The following MAPRE3 variants were observed in gnomAD, a reference collection of about 807,000 sequenced individuals.
MAPRE3 encodes the protein microtubule-associated protein RP/EB family member 3.
MAPRE3 carries 2 observed loss-of-function variants against 30.5 expected under a neutral mutation model. The observed-to-expected ratio is 0.07, with a 90% CI of 0.03 to 0.21. The LOEUF (loss-of-function observed/expected upper bound fraction) is 0.21, where lower values mean the gene tolerates loss of function less well. MAPRE3 is among the 10% of genes least tolerant of loss of function. The probability of loss-of-function intolerance (pLI) is 1.00; values close to 1 mark genes in which losing one functional copy is unlikely to be tolerated. For synonymous variants in MAPRE3, 110 were observed against 127.7 expected (o/e 0.86, Z 0.93); for missense variants, 204 against 351.8 (o/e 0.58, Z 3.36).
intron 1 of MAPRE3, among the ~76,000 whole-genome samples, chr2:26,996,165 A>ATTTC (rs1666456150): frequency 2.8e-5 from 2 of 71,816 alleles, no homozygotes; most frequent in Non-Finnish European, 6.3e-5. Flanking sequence ...TATTTTATTT[A>ATTTC]TTTTTGAAAC....
intron 1 of MAPRE3, among the ~76,000 whole-genome samples, chr2:27,009,274 G>A (rs935419611): frequency 6.6e-6 from 1 of 152,164 alleles, no homozygotes; most frequent in Non-Finnish European, 1.5e-5. Context: ...TTTAATAATT[G>A]TTATGTAAGA....
intron 1 of MAPRE3, among the ~76,000 whole-genome samples, chr2:26,979,712 A>G (rs1414567743): frequency 6.6e-6 from 1 of 152,142 alleles, no homozygotes; most frequent in Non-Finnish European, 1.5e-5. Flanking sequence ...TCAGCAAAGG[A>G]ATGGCCGTGG....
In MAPRE3 at chr2:26,986,101, G is replaced by C. The variant is rs926764654; in HGVS notation, c.-8+15299G>C. Among the ~76,000 whole-genome samples, 2 of 152,192 alleles carry C rather than the reference G, an allele frequency of 1.3e-5. No individual in the cohort carries two copies. The highest frequency in any genetic ancestry group is 2.9e-5 in the Non-Finnish European group (2 of 68,026). Reference sequence around the variant, plus strand: ...TTGGCAAGGCTGTGTTTCTTCTGGAGCCTCCAGGAGAAAATCCGCGTCTTT... The same window carrying C: ...TTGGCAAGGCTGTGTTTCTTCTGGACCCTCCAGGAGAAAATCCGCGTCTTT... On this transcript the variant is annotated intron_variant, in intron 1 of 6. Coordinates refer to ENST00000233121, the MANE Select transcript of MAPRE3 (RefSeq NM_012326.4). This position sits in a 1 kb window ranked among gnomAD's most constrained non-coding sequence, Gnocchi z 4.2.
At chr2:26,974,313 ACTGT>A (rs1347827442) in intron 1 of MAPRE3, among the ~76,000 whole-genome samples, 19 of 152,220 alleles carry the variant, frequency 1.2e-4, no homozygotes, top group Non-Finnish European at 2.2e-4. Context: ...TTTGTGTCAA[ACTGT>A]CTAACTAAAT....
Position 27,024,288 on chromosome 2 carries a change from G to A in MAPRE3, c.460G>A (p.Gly154Ser), listed in dbSNP as rs138427247. 4.9e-5 allele frequency: 79 copies of A among 1,613,532 alleles called. No individual in the cohort carries two copies. The highest frequency in any genetic ancestry group is 1.3e-5 in the Non-Finnish European group (15 of 1,179,688). Residue 154 changes from glycine (G) to serine (S), a missense_variant, in exon 4 of 7, where the codon GGC becomes AGC. Around this residue, in one of 5 missense-constraint regions of MAPRE3, gnomAD observed 101 missense variants for 205.4 expected, o/e 0.49. Coordinates refer to ENST00000233121, the MANE Select transcript of MAPRE3 (RefSeq NM_012326.4). ...CTTCAACAAATCCAAGAAACTCATT[G>A]GCACAGCAGGTAACGTGCCCGAGCC... ...QIFNKSKKLI[G>S]TAVPQRTSPT... is the part of the protein sequence containing the mutation.
chr2:26,990,444 T>G (rs1666314156), intron 1 of MAPRE3, among the ~76,000 whole-genome samples: 1 of 152,184 alleles, frequency 6.6e-6, no homozygotes, highest in Non-Finnish European at 1.5e-5. Context: ...CCCAAAACTT[T>G]TCCTGAACCT....
intron 1 of MAPRE3, among the ~76,000 whole-genome samples, chr2:26,999,330 A>G (rs866908364): frequency 5.8e-4 from 88 of 152,126 alleles, no homozygotes; most frequent in African/African-American, 1.9e-3. Flanking sequence ...CTATCCAGTC[A>G]CAAAATGGCA....
chr2:26,973,704 C>T (rs1260623741), intron 1 of MAPRE3, among the ~76,000 whole-genome samples: 2 of 151,804 alleles, frequency 1.3e-5, no homozygotes, highest in Non-Finnish European at 2.9e-5. Flanking sequence ...TACAGGCGCC[C>T]GCCACCGCGC....
rs1380111051 is a variant in MAPRE3 at position 27,017,927 on chromosome 2, C to G, written c.-7-4285C>G. ...TCTCTGCAGGAGAAGCCAGTGGACTCTCCTAGTAAAGAATCTCTGCAATGC... is the reference window on the plus strand; with the variant it reads ...TCTCTGCAGGAGAAGCCAGTGGACTGTCCTAGTAAAGAATCTCTGCAATGC... On this transcript the variant is annotated intron_variant, in intron 1 of 6. Coordinates refer to ENST00000233121, the MANE Select transcript of MAPRE3 (RefSeq NM_012326.4). Among the ~76,000 whole-genome samples, 8 of 152,284 alleles carry G rather than the reference C, an allele frequency of 5.3e-5. No homozygotes were observed. The East Asian group carries it at 1.5e-3, about 29-fold the overall frequency.
At chr2:27,026,239 C>A in intron 6 of MAPRE3, 41 bp from the exon 7 acceptor site, 1 of 1,578,594 alleles carries the variant, frequency 6.3e-7, no homozygotes, top group Non-Finnish European at 8.6e-7. Flanking sequence ...CCCTGCCTGG[C>A]CTGCCTGGCC....
At chr2:27,023,884 G>A (rs1050327779) in intron 3 of MAPRE3, 3 of 554,036 alleles carry the variant, frequency 5.4e-6, no homozygotes, top group Non-Finnish European at 9.7e-6. Context: ...TCTTCCACAC[G>A]GTGCCTGTAG....
chr2:26,996,615 C>G (rs928490047), intron 1 of MAPRE3, among the ~76,000 whole-genome samples: 2 of 151,730 alleles, frequency 1.3e-5, no homozygotes, highest in Non-Finnish European at 2.9e-5. Context: ...ACAGTGAAAC[C>G]CCGTCTCTAC....
At chr2:27,023,690 C>A in intron 3 of MAPRE3, 1 of 586,794 alleles carries the variant, frequency 1.7e-6, no homozygotes, top group South Asian at 1.9e-5. Flanking sequence ...ATTCCTTTCC[C>A]TTCCTCCTCT....
At chr2:26,991,781 C>T (rs76409128) in intron 1 of MAPRE3, among the ~76,000 whole-genome samples, 1 of 152,304 alleles carries the variant, frequency 6.6e-6, no homozygotes, top group Non-Finnish European at 1.5e-5. Flanking sequence ...ATTTGTAGAT[C>T]AGATTCTCAG....
At chr2:26,988,129 G>A (rs1054392499) in intron 1 of MAPRE3, among the ~76,000 whole-genome samples, 1 of 152,214 alleles carries the variant, frequency 6.6e-6, no homozygotes, top group Non-Finnish European at 1.5e-5. Context: ...CAGAGCCATT[G>A]CTACATGGTG....
chr2:27,024,239 A>G lies in MAPRE3; in HGVS notation c.411A>G (p.Pro137=), dbSNP rs776928898. ...LLARQGQDVA[P]PPNPGDQIFN... ...CGCGGCAGGGCCAGGACGTAGCGCC[A>G]CCTCCTAACCCAGGTGATCAGATCT... The change falls in exon 4 of 7, where the codon CCA becomes CCG. Residue 137 remains proline, a synonymous_variant. Coordinates refer to ENST00000233121, the MANE Select transcript of MAPRE3 (RefSeq NM_012326.4). 12 of 1,614,150 alleles carry G rather than the reference A, an allele frequency of 7.4e-6. 1 individual carries two copies. In the South Asian group the frequency reaches 1.3e-4, roughly 18 times the overall value.
rs1213817415 is a variant in MAPRE3 at position 27,015,172 on chromosome 2, G to A, written c.-7-7040G>A. ...GAGACCAGAGGCTGGCTGTGTGTCA[G>A]GCACCTACTCCTCGAACAAATGCCC... On this transcript the variant is annotated intron_variant, in intron 1 of 6. Coordinates refer to ENST00000233121, the MANE Select transcript of MAPRE3 (RefSeq NM_012326.4). The surrounding 1 kb of genome is among the most constrained non-coding windows in gnomAD (Gnocchi z 4.0). 6.6e-6 allele frequency among the ~76,000 whole-genome samples: 1 copy of A among 152,216 alleles called. No individual in the cohort carries two copies. Among genetic ancestry groups the A allele is most frequent in the African/African-American group, 2.4e-5 (1 of 41,444 alleles).
intron 1 of MAPRE3, among the ~76,000 whole-genome samples, chr2:26,990,625 A>G (rs1666317534): frequency 6.6e-6 from 1 of 152,270 alleles, no homozygotes; most frequent in Non-Finnish European, 1.5e-5. Context: ...TATAGTTTGA[A>G]TATGTATATA....
intron 1 of MAPRE3, among the ~76,000 whole-genome samples, chr2:26,998,097 G>A (rs1018074207): frequency 6.6e-6 from 1 of 152,176 alleles, no homozygotes. Flanking sequence ...GTCTTCAGTG[G>A]GTCAACATCT....
Sources: allele counts gnomAD v4.1 joint callset (sites outside exome capture counted in the v4.1 genomes callset), GRCh38; gene constraint gnomAD v4.1.1; regional missense constraint gnomAD v4.1.1; non-coding constraint Gnocchi (gnomAD v3.1); transcripts MANE v1.5; gene names NCBI Gene and HGNC (gene_info 2026-07-23, HGNC 2026-07-21).